The following DOCK3 variants were observed in gnomAD, a reference collection of about 807,000 sequenced individuals.
DOCK3 encodes dedicator of cytokinesis protein 3.
A neutral mutation model predicts 265.6 loss-of-function variants in DOCK3; 60 were observed. The ratio of observed to expected loss-of-function variants is 0.23; its 90% confidence interval spans 0.18 to 0.28. The LOEUF is 0.28. Among genes scored for constraint, DOCK3 ranks in the 10% least tolerant of loss-of-function variants. The pLI, the probability that DOCK3 is intolerant of heterozygous loss-of-function variation, is 1.00. For missense variants in DOCK3, 1,981 were observed against 2,594.3 expected (o/e 0.76, Z 5.14); for synonymous variants, 881 against 938.0 (o/e 0.94, Z 1.11).
intron 7 of DOCK3, among the ~76,000 whole-genome samples, chr3:51,084,146 G>T (rs2082335994): frequency 6.6e-6 from 1 of 151,968 alleles, no homozygotes; most frequent in African/African-American, 2.4e-5. Context: ...GAGAAGGCAT[G>T]GGCAAAGATA....
In DOCK3 at chr3:51,245,292, G is replaced by A. The variant is rs545789358; in HGVS notation, c.2103-1434G>A. Among the ~76,000 whole-genome samples, 33 of 152,122 alleles carry A rather than the reference G, an allele frequency of 2.2e-4. 1 individual carries two copies. The East Asian group carries it at 3.9e-3, about 18-fold the overall frequency. On this transcript the variant is annotated intron_variant, in intron 21 of 52. Coordinates refer to ENST00000266037, the MANE Select transcript of DOCK3 (RefSeq NM_004947.5). ...GTGGAGGTTACAATGAGCCGAGGTC[G>A]CGTCACTGCACTCCAGTCTGAGCGA...
chr3:50,676,058 G>A, intron 1 of DOCK3, among the ~76,000 whole-genome samples: 1 of 152,052 alleles, frequency 6.6e-6, no homozygotes, highest in African/African-American at 2.4e-5. Context: ...GTGTTTTGTG[G>A]CAATTACATG....
At chr3:51,278,611 A>G in intron 26 of DOCK3, 2 of 798,178 alleles carry the variant, frequency 2.5e-6, no homozygotes, top group Non-Finnish European at 2.9e-6. Context: ...CTGTAAGTAA[A>G]AAACATATAT....
intron 9 of DOCK3, among the ~76,000 whole-genome samples, chr3:51,129,382 A>G (rs1440203805): frequency 1.3e-5 from 2 of 152,180 alleles, no homozygotes; most frequent in Non-Finnish European, 2.9e-5. Context: ...GGCACTCCCC[A>G]TGAGGCCATC....
At chr3:51,379,849 C>T (rs2088476558) in intron 51 of DOCK3, among the ~76,000 whole-genome samples, 1 of 152,264 alleles carries the variant, frequency 6.6e-6, no homozygotes, top group Non-Finnish European at 1.5e-5. Flanking sequence ...GTCTCATCGC[C>T]TAGCAGTGGG....
intron 19 of DOCK3, among the ~76,000 whole-genome samples, chr3:51,229,844 A>G (rs1285718821): frequency 1.3e-5 from 2 of 152,236 alleles, no homozygotes; most frequent in African/African-American, 4.8e-5. Context: ...ATGTTTTAAC[A>G]GTGCAGAATA....
At chr3:50,788,493 G>C (rs1457535660) in intron 2 of DOCK3, among the ~76,000 whole-genome samples, 1 of 152,218 alleles carries the variant, frequency 6.6e-6, no homozygotes, top group African/African-American at 2.4e-5. Context: ...GACCACTAGT[G>C]ATTTTTCTTC....
intron 1 of DOCK3, among the ~76,000 whole-genome samples, chr3:50,697,590 T>C (rs2035717388): frequency 6.6e-6 from 1 of 152,120 alleles, no homozygotes; most frequent in African/African-American, 2.4e-5. Flanking sequence ...AAACTCCGTC[T>C]CAAAAACAAA....
At chr3:50,889,066 GGTGTGTGT>G (rs36180907) in intron 3 of DOCK3, among the ~76,000 whole-genome samples, 304 of 134,268 alleles carry the variant, frequency 2.3e-3, no homozygotes, top group African/African-American at 4.8e-3. Flanking sequence ...TTAAGCCATG[GGTGTGTGT>G]GTGTGTGTGT....
intron 5 of DOCK3, among the ~76,000 whole-genome samples, chr3:51,028,233 G>C (rs996564756): frequency 2.6e-5 from 4 of 152,074 alleles, no homozygotes; most frequent in African/African-American, 9.7e-5. Flanking sequence ...TTTTCTTTAA[G>C]AATGCTAAAA....
intron 24 of DOCK3, 122 bp downstream of exon 24, chr3:51,271,129 A>T: frequency 8.7e-7 from 1 of 1,155,060 alleles, no homozygotes; most frequent in Admixed American, 2.4e-5. Flanking sequence ...GAAACCAGTA[A>T]CCCTTAAGAT....
At position 51,208,822 on chromosome 3, in the gene DOCK3, A is replaced by G; in HGVS notation, c.1086A>G (p.Arg362=). 1 of 1,612,326 alleles carries G rather than the reference A, an allele frequency of 6.2e-7. No homozygotes were observed. The highest frequency in any genetic ancestry group is 8.5e-7 in the Non-Finnish European group (1 of 1,179,344). The change falls in exon 13 of 53, where the codon CGA becomes CGG. Residue 362 remains arginine, a synonymous_variant. Transcript: ENST00000266037. ...EWSQIHENII[R]KSSAKYSAPS... ...CCCAGATCCACGAGAACATCATCCG[A>G]AAGTCCAGTGCCAAGTACTCTGCCC...
At chr3:50,850,061 C>T (rs13072085) in intron 3 of DOCK3, among the ~76,000 whole-genome samples, 15,135 of 151,376 alleles carry the variant, frequency 0.1, 935 homozygotes, top group Non-Finnish European at 0.13. Flanking sequence ...TTATCTCTTC[C>T]GTCATTGCTT....
At chr3:50,788,946 G>A (rs887343830) in intron 2 of DOCK3, among the ~76,000 whole-genome samples, 13 of 152,102 alleles carry the variant, frequency 8.5e-5, no homozygotes, top group African/African-American at 2.9e-4. Context: ...TTTATCTTTT[G>A]TATTGTTTCT....
intron 9 of DOCK3, among the ~76,000 whole-genome samples, chr3:51,114,635 TTTG>T (rs556785244): frequency 1.4e-3 from 211 of 152,266 alleles, no homozygotes; most frequent in Non-Finnish European, 2.2e-3. Context: ...GGAAGGCTTT[TTTG>T]TTGTTGTTGT....
At chr3:50,911,107 G>T (rs1348342793) in intron 4 of DOCK3, among the ~76,000 whole-genome samples, 1 of 151,822 alleles carries the variant, frequency 6.6e-6, no homozygotes, top group Non-Finnish European at 1.5e-5. Context: ...CTTTCTATAG[G>T]TTGTCTTTTC....
chr3:51,293,854 CAAT>C (rs1312879302), intron 27 of DOCK3, among the ~76,000 whole-genome samples: 1 of 152,118 alleles, frequency 6.6e-6, no homozygotes, highest in African/African-American at 2.4e-5. Context: ...AAAAAATGCT[CAAT>C]ATTTCTAGTC....
At chr3:50,840,942 C>T (rs982224599) in intron 2 of DOCK3, among the ~76,000 whole-genome samples, 3 of 152,018 alleles carry the variant, frequency 2.0e-5, no homozygotes, top group African/African-American at 7.3e-5. Context: ...TCAACGATAA[C>T]CTCTCAATTA....
At chr3:50,952,478 AGAAG>A (rs2076620603) in intron 5 of DOCK3, among the ~76,000 whole-genome samples, 1 of 152,206 alleles carries the variant, frequency 6.6e-6, no homozygotes, top group Non-Finnish European at 1.5e-5. Flanking sequence ...TCTCTCCTAA[AGAAG>A]GACCTGGTTT....
Sources: gnomAD v4.1 joint callset for allele counts (sites outside exome capture counted in the v4.1 genomes callset) on GRCh38, gnomAD v4.1.1 for gene constraint, MANE v1.5 for transcripts, NCBI Gene and HGNC (gene_info 2026-07-23, HGNC 2026-07-21) for gene names.